Variants in POU2F3 observed in about 807,000 individuals in gnomAD.
POU2F3 encodes the protein POU class 2 homeobox 3.
A neutral mutation model predicts 59.2 loss-of-function variants in POU2F3; 23 were observed. The observed-to-expected ratio is 0.39, with a 90% CI of 0.28 to 0.55. The LOEUF (loss-of-function observed/expected upper bound fraction) is 0.55. Among genes scored for constraint, POU2F3 ranks in the 20% least tolerant of loss-of-function variants. The probability of loss-of-function intolerance (pLI) is 0.66; values close to 1 mark genes in which losing one functional copy is unlikely to be tolerated. For missense variants in POU2F3, 473 were observed against 544.5 expected, an observed-to-expected ratio of 0.87 and a Z score of 1.31; for synonymous variants, 190 against 214.6, an observed-to-expected ratio of 0.89 and a Z score of 1.00.
intron 3 of POU2F3, among the ~76,000 whole-genome samples, chr11:120,283,772 C>CGTGTGTGT (rs36099803): frequency 0.028 from 3,699 of 130,360 alleles, 99 homozygotes; most frequent in African/African-American, 0.033. Context: ...TAATAGGCTT[C>CGTGTGTGT]GTGTGTGTGT....
chr11:120,273,263 A>G lies in POU2F3; in HGVS notation c.132+4019A>G, dbSNP rs140667352. Among the ~76,000 whole-genome samples the G allele has an allele frequency of 6.6e-5, 10 of 152,354 alleles. No individual in the cohort carries two copies. In the East Asian group the frequency reaches 1.7e-3, roughly 26 times the overall value. On this transcript the variant is annotated intron_variant, in intron 3 of 12. Coordinates refer to ENST00000543440, the MANE Select transcript of POU2F3 (RefSeq NM_014352.4). Reference sequence around the variant, plus strand: ...CCATTCAACCTTTGAATATGCAGCCATTCTTAAGTGCTGGATAGAGAGGTG... The same window carrying G: ...CCATTCAACCTTTGAATATGCAGCCGTTCTTAAGTGCTGGATAGAGAGGTG...
At chr11:120,303,753 G>T (rs2135108244) in intron 6 of POU2F3, 1 of 152,260 alleles carries the variant, frequency 6.6e-6, no homozygotes, top group South Asian at 2.1e-4. Flanking sequence ...CTCTCTAGAG[G>T]TCCTTTTACC....
At chr11:120,317,463 G>T in intron 12 of POU2F3, 99 bp downstream of exon 12, 3 of 1,518,452 alleles carry the variant, frequency 2.0e-6, no homozygotes, top group Admixed American at 1.7e-5. Flanking sequence ...TCATAGAAAG[G>T]GTTGGAAAAG....
At chr11:120,290,722 C>T (rs1269809929) in intron 3 of POU2F3, among the ~76,000 whole-genome samples, 1 of 152,226 alleles carries the variant, frequency 6.6e-6, no homozygotes, top group Admixed American at 6.5e-5. Context: ...CTCTACAGTG[C>T]TTTAAAAAAT....
intron 12 of POU2F3, 139 bp from the exon 13 acceptor site, chr11:120,318,214 C>G (rs568337188): frequency 4.0e-6 from 3 of 741,524 alleles, no homozygotes; most frequent in African/African-American, 3.5e-5. Flanking sequence ...GGTTGTGCAA[C>G]CATCAGCGTT....
At chr11:120,261,297 G>A (rs562643422) in intron 2 of POU2F3, 29 of 151,554 alleles carry the variant, frequency 1.9e-4, no homozygotes, top group African/African-American at 5.8e-4. Context: ...ACCCTTGTTC[G>A]GTCTCAGGCT....
upstream of POU2F3, among the ~76,000 whole-genome samples, chr11:120,239,133 T>C (rs1938572674): frequency 6.6e-6 from 1 of 152,158 alleles, no homozygotes; most frequent in Admixed American, 6.5e-5. Flanking sequence ...ACCTGTTCTG[T>C]GCTCAGAAAG....
intron 9 of POU2F3, among the ~76,000 whole-genome samples, chr11:120,308,123 CTATGCACATTTAGATACTTGTGATCGTGT>C (rs2135121524): frequency 6.6e-6 from 1 of 152,340 alleles, no homozygotes; most frequent in African/African-American, 2.4e-5. Context: ...TCCTTCTTTT[CTATGCACATTTAGATACTTGTGATCGTGT>C]TATACACCTA....
In POU2F3 at chr11:120,307,502, G is replaced by A; in HGVS notation, c.793G>A (p.Val265Met). ...AGAGTCCTCTCCGTCAGACCCCTCA[G>A]TGAGCACGCCCAGCTCCTACCCCAG... The part of the protein sequence containing the change: ...DAESSPSDPS[V>M]STPSSYPSLS... Residue 265 changes from valine to methionine, a missense_variant, in exon 9 of 13, where the codon GTG becomes ATG. Transcript: ENST00000543440. The A allele has an allele frequency of 6.2e-7, 1 of 1,614,214 alleles. No individual in the cohort carries two copies. The highest frequency in any genetic ancestry group is 8.5e-7 in the Non-Finnish European group (1 of 1,180,020).
chr11:120,238,086 C>A (rs1938543833), upstream of POU2F3, among the ~76,000 whole-genome samples: 2 of 151,952 alleles, frequency 1.3e-5, no homozygotes, highest in Non-Finnish European at 1.5e-5. Context: ...ACTAAAAATA[C>A]AAAATTAGCC....
rs529152458 is a variant in POU2F3 at position 120,240,161 on chromosome 11, C to G, written c.-183C>G. 8.3e-7 allele frequency: 1 copy of G among 1,208,870 alleles called. No homozygotes were observed. Among genetic ancestry groups the G allele is most frequent in the South Asian group, 4.2e-5 (1 of 23,964 alleles). 74.9% of individuals were successfully genotyped at this position (1,208,870 alleles called of 1,614,324 possible). ...GGGGAGTGTGGCAATCCTGGCGGCG[C>G]CGAGTGTTGCCCGGGCCGGAGCAGC... On this transcript the variant is annotated 5_prime_UTR_variant, in exon 1 of 13. Transcript: ENST00000543440.
In POU2F3 at chr11:120,319,011, C is replaced by G. The variant is rs1565395070; in HGVS notation, c.*619C>G. On this transcript the variant is annotated 3_prime_UTR_variant, in exon 13 of 13. Coordinates refer to ENST00000543440, the MANE Select transcript of POU2F3 (RefSeq NM_014352.4). Reference sequence around the variant, plus strand: ...ATTATTGCGCCCTCCAGGTCCCCTCCTTTTTGCAGAAGGTGTAAAAGAGCT... The same window carrying G: ...ATTATTGCGCCCTCCAGGTCCCCTCGTTTTTGCAGAAGGTGTAAAAGAGCT... 6.6e-6 allele frequency: 1 copy of G among 152,412 alleles called. No homozygotes were observed. Among genetic ancestry groups the G allele is most frequent in the Non-Finnish European group, 1.5e-5 (1 of 68,168 alleles). 9.4% of individuals were successfully genotyped at this position (152,412 alleles called of 1,614,324 possible). A position where few individuals can be genotyped will look rare whatever the true frequency, so the allele number is the denominator to read the frequency against.
intron 12 of POU2F3, among the ~76,000 whole-genome samples, chr11:120,317,813 A>T (rs903895276): frequency 3.3e-5 from 5 of 152,204 alleles, no homozygotes; most frequent in African/African-American, 9.6e-5. Context: ...CCCAGCTGGG[A>T]TGCAGTGGGG....
intron 3 of POU2F3, among the ~76,000 whole-genome samples, chr11:120,274,639 CA>C (rs1331894122): frequency 1.3e-5 from 2 of 152,076 alleles, no homozygotes; most frequent in Admixed American, 1.3e-4. Context: ...TTTGGGAGCC[CA>C]ATGCATGGCA....
chr11:120,239,258 T>C (rs2509623), upstream of POU2F3, among the ~76,000 whole-genome samples: 137,939 of 152,256 alleles, frequency 0.91, 62,712 homozygotes, highest in Middle Eastern at 0.97. Flanking sequence ...CAGGCCATCC[T>C]GTGGTGACAG....
chr11:120,318,128 T>C (rs917507364), intron 12 of POU2F3, among the ~76,000 whole-genome samples: 2 of 152,190 alleles, frequency 1.3e-5, no homozygotes, highest in Non-Finnish European at 2.9e-5. Flanking sequence ...AAAAAATTGT[T>C]TCGAGGTATA....
upstream of POU2F3, among the ~76,000 whole-genome samples, chr11:120,238,855 A>AG (rs1491190670): frequency 2.1e-5 from 3 of 140,096 alleles, no homozygotes; most frequent in Non-Finnish European, 3.0e-5. Flanking sequence ...AAAAAAAAAA[A>AG]GAACACGGAA....
At chr11:120,236,733 T>C (rs548801892), upstream of POU2F3, 3 of 1,450,978 alleles carry the variant, frequency 2.1e-6, no homozygotes, top group East Asian at 4.9e-5. Context: ...ACGTTCCCAT[T>C]CTAGCTCATC....
chr11:120,264,570 C>T (rs570200886), intron 2 of POU2F3, among the ~76,000 whole-genome samples: 38 of 152,280 alleles, frequency 2.5e-4, no homozygotes, highest in Admixed American at 1.0e-3. Flanking sequence ...TCAGACTCCA[C>T]CTTTTGGGGG....
Sources: gnomAD v4.1 joint callset for allele counts (sites outside exome capture counted in the v4.1 genomes callset) on GRCh38, gnomAD v4.1.1 for gene constraint, MANE v1.5 for transcripts, NCBI Gene and HGNC (gene_info 2026-07-23, HGNC 2026-07-21) for gene names.